Variants in SAMD12 observed in about 807,000 individuals in gnomAD.
The protein encoded by SAMD12 is sterile alpha motif domain-containing protein 12.
SAMD12 carries 9 observed loss-of-function variants against 15.0 expected under a neutral mutation model. The ratio of observed to expected loss-of-function variants is 0.60; its 90% confidence interval spans 0.36 to 1.05. SAMD12 has a LOEUF of 1.05. Ranked by LOEUF, SAMD12 falls within the 50% of genes least tolerant of loss-of-function variation. SAMD12 has a pLI of 0.01. For missense variants in SAMD12, 230 were observed against 234.2 expected (o/e 0.98, Z 0.12); for synonymous variants, 86 against 90.1 (o/e 0.96, Z 0.25).
At chr8:118,360,965 C>T (rs188741660) in intron 4 of SAMD12, among the ~76,000 whole-genome samples, 253 of 152,214 alleles carry the variant, frequency 1.7e-3, no homozygotes, top group South Asian at 7.5e-3. Flanking sequence ...AGCTCTTCCA[C>T]GAGTGTCTAA....
At chr8:118,505,629 G>A (rs1824900990) in intron 2 of SAMD12, among the ~76,000 whole-genome samples, 1 of 151,848 alleles carries the variant, frequency 6.6e-6, no homozygotes, top group Non-Finnish European at 1.5e-5. Context: ...GACAGAAGGA[G>A]CCTGTGACAC....
downstream of SAMD12, among the ~76,000 whole-genome samples, chr8:118,186,010 T>C (rs570283074): frequency 1.3e-5 from 2 of 152,310 alleles, no homozygotes; most frequent in East Asian, 3.9e-4. Flanking sequence ...GTTTGTTCTA[T>C]GGGCTGTAAA....
chr8:118,611,950 C>A (rs1828122883), intron 1 of SAMD12, among the ~76,000 whole-genome samples: 1 of 152,090 alleles, frequency 6.6e-6, no homozygotes, highest in African/African-American at 2.4e-5. Context: ...TGCAAGTGAA[C>A]CAAGCACTAC....
rs565401940 is a variant in SAMD12 at position 118,241,365 on chromosome 8, C to T, written c.434-43633G>A. 2.6e-5 allele frequency among the ~76,000 whole-genome samples: 4 copies of T among 152,142 alleles called. No homozygotes were observed. In the East Asian group the frequency reaches 7.7e-4, roughly 29 times the overall value. On this transcript the variant is annotated intron_variant, in intron 4 of 4. Coordinates refer to the SAMD12 transcript ENST00000409003. Reference sequence around the variant, plus strand: ...AGGACTCATTAAAAAAACTTATTTCCCACAACAGTGTTCAGAGAGATGAGT... The same window carrying T: ...AGGACTCATTAAAAAAACTTATTTCTCACAACAGTGTTCAGAGAGATGAGT...
intron 2 of SAMD12, among the ~76,000 whole-genome samples, chr8:118,570,912 C>T (rs1396480563): frequency 6.6e-6 from 1 of 152,144 alleles, no homozygotes; most frequent in African/African-American, 2.4e-5. Context: ...AGTTCCCCTG[C>T]ACAAGCTCTC....
chr8:118,271,442 C>G (rs1175622328), intron 4 of SAMD12, among the ~76,000 whole-genome samples: 1 of 152,148 alleles, frequency 6.6e-6, no homozygotes, highest in Non-Finnish European at 1.5e-5. Context: ...CACACCCAAA[C>G]CATATCATTC....
chr8:118,208,911 G>A (rs1362230536), intron 4 of SAMD12, among the ~76,000 whole-genome samples: 1 of 152,158 alleles, frequency 6.6e-6, no homozygotes, highest in African/African-American at 2.4e-5. Flanking sequence ...TGTATGTAGG[G>A]AGGGCTCAAG....
intron 3 of SAMD12, among the ~76,000 whole-genome samples, chr8:118,394,354 A>G (rs148958684): frequency 6.4e-4 from 97 of 152,162 alleles, no homozygotes; most frequent in African/African-American, 2.2e-3. Context: ...GTTCTTCCTC[A>G]CTCACCTTGG....
intron 4 of SAMD12, among the ~76,000 whole-genome samples, chr8:118,368,428 A>G: frequency 6.6e-6 from 1 of 152,164 alleles, no homozygotes; most frequent in East Asian, 1.9e-4. Flanking sequence ...CAATCACTGG[A>G]GAGTGTCACT....
intron 3 of SAMD12, among the ~76,000 whole-genome samples, chr8:118,391,604 TGAGCCAGTACCTATA>T (rs1328434903): frequency 6.6e-6 from 1 of 152,236 alleles, no homozygotes; most frequent in African/African-American, 2.4e-5. Flanking sequence ...TGAATCAATT[TGAGCCAGTACCTATA>T]GCCAAAGTAC....
At chr8:118,320,641 G>A (rs967169951) in intron 4 of SAMD12, among the ~76,000 whole-genome samples, 2 of 119,206 alleles carry the variant, frequency 1.7e-5, no homozygotes, top group Non-Finnish European at 3.3e-5. Flanking sequence ...CACAGGAAGG[G>A]GAACATCACA....
intron 2 of SAMD12, among the ~76,000 whole-genome samples, chr8:118,486,147 G>A (rs1053670925): frequency 6.6e-6 from 1 of 152,182 alleles, no homozygotes; most frequent in Non-Finnish European, 1.5e-5. Context: ...GGGGGTGGTG[G>A]CTCACACCTG....
intron 4 of SAMD12, among the ~76,000 whole-genome samples, chr8:118,329,768 G>C (rs1035442347): frequency 6.6e-6 from 1 of 152,086 alleles, no homozygotes. Flanking sequence ...ATTGATTCAT[G>C]TGGCTAATTA....
chr8:118,153,715 A>G, the SAMD12 span, among the ~76,000 whole-genome samples: 1 of 152,132 alleles, frequency 6.6e-6, no homozygotes, highest in Admixed American at 6.5e-5. Flanking sequence ...AGGCTACACC[A>G]TGGGTTGAGG....
At chr8:118,329,023 C>T (rs1046572510) in intron 4 of SAMD12, among the ~76,000 whole-genome samples, 1 of 152,096 alleles carries the variant, frequency 6.6e-6, no homozygotes, top group Non-Finnish European at 1.5e-5. Flanking sequence ...TCAGATGCCA[C>T]GTAAACAGCC....
At chr8:118,550,359 G>T (rs188517757) in intron 2 of SAMD12, among the ~76,000 whole-genome samples, 2 of 152,214 alleles carry the variant, frequency 1.3e-5, no homozygotes, top group African/African-American at 2.4e-5. Context: ...CCAAAAGAGA[G>T]TGGGGGCCAA....
chr8:118,448,777 C>T lies in SAMD12; in HGVS notation c.193-8816G>A, dbSNP rs540568302. On this transcript the variant is annotated intron_variant, in intron 2 of 3. Coordinates refer to ENST00000314727, the MANE Select transcript of SAMD12 (RefSeq NM_207506.3). ...AACAAACTTGGCATTTGGAATCATG[C>T]AGACCTGGGTTGAAGGCTCTGGCAT... 2.6e-5 allele frequency among the ~76,000 whole-genome samples: 4 copies of T among 152,308 alleles called. No individual in the cohort carries two copies. In the South Asian group the frequency reaches 8.3e-4, roughly 32 times the overall value.
intron 4 of SAMD12, among the ~76,000 whole-genome samples, chr8:118,238,458 C>T (rs1391319614): frequency 1.3e-5 from 2 of 152,012 alleles, no homozygotes; most frequent in Non-Finnish European, 2.9e-5. Flanking sequence ...CCCTTGAGAC[C>T]CTGAATCATA....
At chr8:118,314,807 T>G (rs1330204496) in intron 4 of SAMD12, among the ~76,000 whole-genome samples, 1 of 152,172 alleles carries the variant, frequency 6.6e-6, no homozygotes, top group Non-Finnish European at 1.5e-5. Flanking sequence ...AGGATAACCT[T>G]ACACCCACTG....
Sources: gnomAD v4.1 joint callset for allele counts (sites outside exome capture counted in the v4.1 genomes callset) on GRCh38, gnomAD v4.1.1 for gene constraint, MANE v1.5 for transcripts, NCBI Gene and HGNC (gene_info 2026-07-23, HGNC 2026-07-21) for gene names.